The following HTR4 variants were observed in gnomAD, a reference collection of about 807,000 sequenced individuals.
The protein encoded by HTR4 is 5-hydroxytryptamine receptor 4, also known as 5-hydroxytryptamine (serotonin) receptor 4, G protein-coupled.
A neutral mutation model predicts 36.8 loss-of-function variants in HTR4; 16 were observed. The observed-to-expected ratio is 0.43, with a 90% CI of 0.29 to 0.66. HTR4 has a LOEUF of 0.66. HTR4 is among the 30% of genes least tolerant of loss of function. The pLI is 0.13. For missense variants in HTR4, 438 were observed against 490.9 expected (o/e 0.89, Z 1.02); for synonymous variants, 189 against 185.1 (o/e 1.02, Z -0.17).
At chr5:148,558,048 G>A (rs1760033553) in intron 2 of HTR4, among the ~76,000 whole-genome samples, 1 of 151,824 alleles carries the variant, frequency 6.6e-6, no homozygotes, top group African/African-American at 2.4e-5. Context: ...AATATACACA[G>A]CACATCCACA....
chr5:148,585,700 T>A (rs1190605169), intron 2 of HTR4, among the ~76,000 whole-genome samples: 1 of 152,190 alleles, frequency 6.6e-6, no homozygotes, highest in Non-Finnish European at 1.5e-5. Flanking sequence ...AATTCAAGCC[T>A]CTTGACTCCT....
At chr5:148,584,623 C>A (rs1484813045) in intron 2 of HTR4, among the ~76,000 whole-genome samples, 3 of 152,138 alleles carry the variant, frequency 2.0e-5, no homozygotes, top group Non-Finnish European at 4.4e-5. Flanking sequence ...CTCCTACTTC[C>A]TAGGTGACAG....
chr5:148,563,494 C>G (rs1760305748), intron 2 of HTR4, among the ~76,000 whole-genome samples: 1 of 152,198 alleles, frequency 6.6e-6, no homozygotes, highest in Non-Finnish European at 1.5e-5. Flanking sequence ...AAAGCAAGAA[C>G]TTGGGCTGTT....
chr5:148,609,299 T>C (rs1476293078), intron 2 of HTR4, among the ~76,000 whole-genome samples: 1 of 152,168 alleles, frequency 6.6e-6, no homozygotes, highest in African/African-American at 2.4e-5. Context: ...CAAATAAACA[T>C]GAGACAAGAG....
intron 5 of HTR4, among the ~76,000 whole-genome samples, chr5:148,516,776 T>G (rs1757780615): frequency 1.3e-5 from 2 of 152,160 alleles, no homozygotes; most frequent in South Asian, 4.1e-4. Flanking sequence ...GGACACACAT[T>G]GTGTATAAAA....
rs117607239 is a variant in HTR4 at position 148,579,219 on chromosome 5, C to A, written c.27-28957G>T. Among the ~76,000 whole-genome samples, 455 of 152,162 alleles carry A rather than the reference C, an allele frequency of 3.0e-3. 7 individuals carry two copies. In the East Asian group the frequency reaches 0.032, roughly 11 times the overall value. On this transcript the variant is annotated intron_variant, in intron 2 of 6. Transcript: ENST00000377888. The stretch of plus-strand genomic sequence containing the variant: ...CAGCCAATGTTTCTTTTTTCACATT[C>A]ATGCTAATAATACGTTGGTTGAGTT...
intron 2 of HTR4, among the ~76,000 whole-genome samples, chr5:148,596,909 A>G (rs1284738350): frequency 6.6e-6 from 1 of 152,196 alleles, no homozygotes; most frequent in African/African-American, 2.4e-5. Context: ...TAATAGCCTT[A>G]TGAAATAAGC....
At chr5:148,570,203 C>T (rs1343124533) in intron 2 of HTR4, among the ~76,000 whole-genome samples, 1 of 152,064 alleles carries the variant, frequency 6.6e-6, no homozygotes, top group Non-Finnish European at 1.5e-5. Flanking sequence ...TATGTTTGTC[C>T]ATTTGTTCAT....
intron 2 of HTR4, among the ~76,000 whole-genome samples, chr5:148,615,712 TAAA>T (rs898413356): frequency 3.1e-4 from 46 of 147,006 alleles, no homozygotes; most frequent in Admixed American, 5.4e-4. Flanking sequence ...AAGAAAGAAA[TAAA>T]ATAAAATAAA....
chr5:148,598,721 C>T (rs1439073251), intron 2 of HTR4, among the ~76,000 whole-genome samples: 1 of 152,154 alleles, frequency 6.6e-6, no homozygotes, highest in East Asian at 1.9e-4. Context: ...ACCAAATAAT[C>T]TTCTACTTAA....
chr5:148,646,740 C>T (rs1371015616), intron 1 of HTR4, among the ~76,000 whole-genome samples: 1 of 152,186 alleles, frequency 6.6e-6, no homozygotes, highest in Non-Finnish European at 1.5e-5. Flanking sequence ...AAGAACCTAA[C>T]CCTTCACGTG....
intron 1 of HTR4, among the ~76,000 whole-genome samples, chr5:148,649,517 C>A (rs1005678346): frequency 6.6e-6 from 1 of 152,104 alleles, no homozygotes; most frequent in Non-Finnish European, 1.5e-5. Flanking sequence ...ATTTATCTGG[C>A]AGTAGACAAG....
At chr5:148,484,489 A>C in intron 6 of HTR4, 1 of 1,005,962 alleles carries the variant, frequency 9.9e-7, no homozygotes, top group Non-Finnish European at 1.4e-6. Context: ...TTTCTTGAAA[A>C]ATTGGGGCAA....
downstream of HTR4, among the ~76,000 whole-genome samples, chr5:148,480,455 T>G (rs1164592276): frequency 6.6e-6 from 1 of 152,214 alleles, no homozygotes; most frequent in African/African-American, 2.4e-5. Flanking sequence ...CTCAGCTTAA[T>G]GCAGCCTCTG....
chr5:148,577,577 T>C (rs1346067303), intron 2 of HTR4, among the ~76,000 whole-genome samples: 4 of 152,052 alleles, frequency 2.6e-5, no homozygotes, highest in African/African-American at 9.7e-5. Context: ...TAAATGCCCA[T>C]CAATGACAGA....
chr5:148,524,297 C>T (rs1052841567), intron 4 of HTR4, among the ~76,000 whole-genome samples: 1 of 152,162 alleles, frequency 6.6e-6, no homozygotes, highest in Non-Finnish European at 1.5e-5. Flanking sequence ...AATTGACATG[C>T]ATCACTTCTG....
At chr5:148,609,608 C>T (rs1387317968) in intron 2 of HTR4, among the ~76,000 whole-genome samples, 1 of 151,206 alleles carries the variant, frequency 6.6e-6, no homozygotes, top group Non-Finnish European at 1.5e-5. Context: ...AGACTCCGCC[C>T]AGGCTGGAGT....
chr5:148,610,900 T>A (rs904173964), intron 2 of HTR4, among the ~76,000 whole-genome samples: 88 of 149,222 alleles, frequency 5.9e-4, no homozygotes, highest in African/African-American at 2.1e-3. Flanking sequence ...CAGGAGCCGA[T>A]GCGATCAACT....
chr5:148,617,434 T>C (rs776812134), intron 2 of HTR4, among the ~76,000 whole-genome samples: 1 of 151,876 alleles, frequency 6.6e-6, no homozygotes, highest in African/African-American at 2.4e-5. Context: ...CACACACTTC[T>C]TATAATATTA....
Sources: gnomAD v4.1 joint callset for allele counts (sites outside exome capture counted in the v4.1 genomes callset) on GRCh38, gnomAD v4.1.1 for gene constraint, MANE v1.5 for transcripts, NCBI Gene and HGNC (gene_info 2026-07-23, HGNC 2026-07-21) for gene names.